TENM3: variants seen among roughly 807,000 people sequenced by gnomAD.
The protein encoded by TENM3 is teneurin transmembrane protein 3, also known as teneurin-3.
Under a neutral mutation model 255.1 loss-of-function variants are expected in TENM3, and 63 were observed. The observed-to-expected ratio is 0.25, with a 90% confidence interval of 0.20 to 0.30. The LOEUF (loss-of-function observed/expected upper bound fraction) is 0.30, where lower values mean the gene tolerates loss of function less well. Ranked by LOEUF, TENM3 falls within the 10% of genes least tolerant of loss-of-function variation. The pLI is 1.00. For synonymous variants in TENM3, 1,306 were observed against 1,322.3 expected, an observed-to-expected ratio of 0.99 and a Z score of 0.27; for missense variants, 2,929 against 3,461.1, an observed-to-expected ratio of 0.85 and a Z score of 3.86.
intron 7 of TENM3, among the ~76,000 whole-genome samples, chr4:182,677,392 TC>T (rs1755752548): frequency 2.0e-5 from 3 of 152,178 alleles, no homozygotes; most frequent in Non-Finnish European, 4.4e-5. Context: ...TCAAAATTCC[TC>T]CCGTTCACTT....
chr4:182,535,362 C>A (rs983801976), intron 3 of TENM3, among the ~76,000 whole-genome samples: 1 of 152,168 alleles, frequency 6.6e-6, no homozygotes, highest in African/African-American at 2.4e-5. Context: ...TTATTGTATT[C>A]TTCTCATAGA....
chr4:182,064,695 G>A, the TENM3 span, among the ~76,000 whole-genome samples: 2 of 152,168 alleles, frequency 1.3e-5, no homozygotes. Context: ...GAGTGTGCAG[G>A]GTGCAGTTGC....
chr4:182,679,642 T>C (rs1755964480), intron 7 of TENM3, 24 bp from the exon 8 acceptor site: 1 of 1,583,702 alleles, frequency 6.3e-7, no homozygotes, highest in Non-Finnish European at 8.6e-7. Context: ...TCTTTCTGAC[T>C]ATTTTTCCTC....
chr4:181,913,547 G>C, the TENM3 span, among the ~76,000 whole-genome samples: 1 of 152,088 alleles, frequency 6.6e-6, no homozygotes, highest in Admixed American at 6.6e-5. Context: ...ATTCCAAATG[G>C]CTATTTTAAA....
At chr4:181,954,795 T>C in the TENM3 span, among the ~76,000 whole-genome samples, 1 of 152,222 alleles carries the variant, frequency 6.6e-6, no homozygotes, top group Non-Finnish European at 1.5e-5. Flanking sequence ...AAGATGATTC[T>C]CTGTGTTCCT....
In TENM3 at chr4:182,701,309, C is replaced by T. The variant is rs561440174; in HGVS notation, c.2222-12778C>T. ...GATCTCGGCTCACTGCAAGCTCCGCCTCCTGGGTTCAAGCAATTCTCCTGC... is the reference window on the plus strand; with the variant it reads ...GATCTCGGCTCACTGCAAGCTCCGCTTCCTGGGTTCAAGCAATTCTCCTGC... On this transcript the variant is annotated intron_variant, in intron 12 of 27. Transcript: ENST00000511685. Among the ~76,000 whole-genome samples, 580 of 145,850 alleles carry T rather than the reference C, an allele frequency of 4.0e-3. 2 individuals are homozygous for T. The highest frequency in any genetic ancestry group is 0.014 in the African/African-American group (552 of 39,380).
chr4:181,810,644 T>C, the TENM3 span, among the ~76,000 whole-genome samples: 1 of 152,088 alleles, frequency 6.6e-6, no homozygotes, highest in Non-Finnish European at 1.5e-5. Flanking sequence ...ATGAGAGATA[T>C]ATACATGTGC....
intron 6 of TENM3, among the ~76,000 whole-genome samples, chr4:182,669,815 A>T (rs1346422654): frequency 6.6e-6 from 1 of 152,186 alleles, no homozygotes; most frequent in African/African-American, 2.4e-5. Context: ...CCTTGATTTC[A>T]GTCTTGATGC....
chr4:182,428,120 C>A (rs1023242719), intron 3 of TENM3, among the ~76,000 whole-genome samples: 13 of 152,154 alleles, frequency 8.5e-5, no homozygotes, highest in African/African-American at 3.1e-4. Context: ...AGTAATTAAT[C>A]AAAGGTGTGG....
chr4:181,763,653 A>T, the TENM3 span, among the ~76,000 whole-genome samples: 1 of 152,208 alleles, frequency 6.6e-6, no homozygotes, highest in Admixed American at 6.5e-5. Flanking sequence ...TTGAGTAATC[A>T]CAACAGACAC....
the TENM3 span, among the ~76,000 whole-genome samples, chr4:181,603,714 T>G: frequency 2.1e-4 from 32 of 152,316 alleles, no homozygotes; most frequent in African/African-American, 7.2e-4. Flanking sequence ...TAAAAAAGCA[T>G]AAAGACATAA....
At chr4:182,119,095 T>TCC in the TENM3 span, among the ~76,000 whole-genome samples, 1 of 152,058 alleles carries the variant, frequency 6.6e-6, no homozygotes, top group African/African-American at 2.4e-5. Flanking sequence ...CAGCCCTCCC[T>TCC]CCCTTGGGTG....
chr4:181,959,593 C>T, the TENM3 span, among the ~76,000 whole-genome samples: 10 of 152,300 alleles, frequency 6.6e-5, no homozygotes, highest in Middle Eastern at 3.4e-3. Context: ...AGCAGATCAC[C>T]GGCATGCCGG....
chr4:182,736,353 C>G (rs1372713714), intron 16 of TENM3, among the ~76,000 whole-genome samples: 1 of 152,180 alleles, frequency 6.6e-6, no homozygotes, highest in Admixed American at 6.5e-5. Flanking sequence ...CTGAGCTAAC[C>G]ATCTTACAAA....
intron 1 of TENM3, among the ~76,000 whole-genome samples, chr4:182,175,365 C>T (rs1228483485): frequency 6.8e-6 from 1 of 147,772 alleles, no homozygotes; most frequent in Non-Finnish European, 1.5e-5. Flanking sequence ...CATAAAAAGT[C>T]TATATGCTAG....
At chr4:181,570,567 G>A in the TENM3 span, among the ~76,000 whole-genome samples, 1 of 141,240 alleles carries the variant, frequency 7.1e-6, no homozygotes, top group African/African-American at 2.7e-5. Flanking sequence ...AGAAAAAAAA[G>A]AAAGGAAAAG....
the TENM3 span, among the ~76,000 whole-genome samples, chr4:182,109,390 A>G: frequency 6.6e-6 from 1 of 151,446 alleles, no homozygotes; most frequent in South Asian, 2.1e-4. Flanking sequence ...TATAGCTACT[A>G]TATATAGAAT....
At chr4:181,845,512 C>T in the TENM3 span, among the ~76,000 whole-genome samples, 1 of 152,218 alleles carries the variant, frequency 6.6e-6, no homozygotes, top group East Asian at 1.9e-4. Context: ...CTAATATATA[C>T]ACATACACAC....
At chr4:181,853,086 G>A in the TENM3 span, among the ~76,000 whole-genome samples, 1 of 152,062 alleles carries the variant, frequency 6.6e-6, no homozygotes, top group African/African-American at 2.4e-5. Context: ...AAAACAAATA[G>A]GCATTTGTAG....
Sources: allele counts gnomAD v4.1 joint callset (sites outside exome capture counted in the v4.1 genomes callset), GRCh38; gene constraint gnomAD v4.1.1; transcripts MANE v1.5; gene names NCBI Gene and HGNC (gene_info 2026-07-23, HGNC 2026-07-21).